SEPTIN9: variants seen among roughly 807,000 people sequenced by gnomAD.
The protein encoded by SEPTIN9 is septin 9, also known as septin-9.
Under a neutral mutation model 56.6 loss-of-function variants are expected in SEPTIN9, and 13 were observed. That is an observed-to-expected ratio of 0.23 (90% confidence interval 0.15 to 0.37). SEPTIN9 has a LOEUF of 0.37. Among genes scored for constraint, SEPTIN9 ranks in the 10% least tolerant of loss-of-function variants. The pLI is 1.00. For synonymous variants in SEPTIN9, 332 were observed against 334.1 expected (o/e 0.99, Z 0.07); for missense variants, 650 against 823.1 (o/e 0.79, Z 2.57).
At chr17:77,379,005 C>T (rs547453338) in intron 2 of SEPTIN9, among the ~76,000 whole-genome samples, 43 of 152,154 alleles carry the variant, frequency 2.8e-4, no homozygotes, top group Non-Finnish European at 4.9e-4. Context: ...CCCTGAAAAG[C>T]GGTTGTGGCA....
intron 3 of SEPTIN9, among the ~76,000 whole-genome samples, chr17:77,467,312 C>T (rs1391345822): frequency 2.0e-5 from 3 of 152,358 alleles, no homozygotes; most frequent in Non-Finnish European, 2.9e-5. Context: ...CTGGTTGGAG[C>T]CAGGCATAGG....
Position 77,449,501 on chromosome 17 carries a change from A to G in SEPTIN9, c.722-32643A>G, listed in dbSNP as rs2037884602. Reference sequence around the variant, plus strand: ...GGGGGGCCAGAAAGCTGGGGGACAGATTGAGGCCAGAGGCAAAGAGAAGAA... The same window carrying G: ...GGGGGGCCAGAAAGCTGGGGGACAGGTTGAGGCCAGAGGCAAAGAGAAGAA... On this transcript the variant is annotated intron_variant, in intron 3 of 11. Coordinates refer to ENST00000427177, the MANE Select transcript of SEPTIN9 (RefSeq NM_001113491.2). This position sits in a 1 kb window ranked among gnomAD's most constrained non-coding sequence, Gnocchi z 4.6. Among the ~76,000 whole-genome samples, 1 of 152,176 alleles carries G rather than the reference A, an allele frequency of 6.6e-6. No homozygotes were observed. The highest frequency in any genetic ancestry group is 6.5e-5 in the Admixed American group (1 of 15,282).
At chr17:77,283,582 T>A (rs1331635546) in intron 1 of SEPTIN9, among the ~76,000 whole-genome samples, 1 of 152,178 alleles carries the variant, frequency 6.6e-6, no homozygotes, top group African/African-American at 2.4e-5. Context: ...CCCCCAAGGC[T>A]CTGACAATCC....
At chr17:77,415,950 G>A (rs2036491940) in intron 3 of SEPTIN9, among the ~76,000 whole-genome samples, 1 of 152,190 alleles carries the variant, frequency 6.6e-6, no homozygotes, top group Non-Finnish European at 1.5e-5. Flanking sequence ...AAATGTAAGG[G>A]GACACCAAAG....
intron 3 of SEPTIN9, among the ~76,000 whole-genome samples, chr17:77,473,618 T>C (rs1261162380): frequency 1.3e-5 from 2 of 152,218 alleles, no homozygotes; most frequent in Non-Finnish European, 2.9e-5. Flanking sequence ...AGTCTTTACT[T>C]TTCACCAGAG....
In SEPTIN9 at chr17:77,445,617, C is replaced by A. The variant is rs912390017; in HGVS notation, c.722-36527C>A. On this transcript the variant is annotated intron_variant, in intron 3 of 11. Coordinates refer to ENST00000427177, the MANE Select transcript of SEPTIN9 (RefSeq NM_001113491.2). The surrounding 1 kb of genome is among the most constrained non-coding windows in gnomAD (Gnocchi z 4.7). The stretch of plus-strand genomic sequence containing the variant: ...TCTGCTGCTGTGTTGCTGTGTGTTT[C>A]AGCAGCACGTGGGTGTCACCACACT... 2 of 365,570 alleles carry A rather than the reference C, an allele frequency of 5.5e-6. No homozygotes were observed. The highest frequency in any genetic ancestry group is 5.7e-6 in the Non-Finnish European group (1 of 176,364). 22.6% of individuals were successfully genotyped at this position (365,570 alleles called of 1,614,324 possible).
rs752933182 is a variant in SEPTIN9 at position 77,383,151 on chromosome 17, TC to T, written c.77-18907del. Among the ~76,000 whole-genome samples, 21 of 148,172 alleles carry T rather than the reference TC, an allele frequency of 1.4e-4. No homozygotes were observed. In the South Asian group the frequency reaches 1.6e-3, roughly 11 times the overall value. On this transcript the variant is annotated intron_variant, in intron 2 of 11. Coordinates refer to ENST00000427177, the MANE Select transcript of SEPTIN9 (RefSeq NM_001113491.2). Reference sequence around the variant, plus strand: ...TACCCTCCCTCTCTCCCTCCCTCTTTCTTTCCCTCCCTCTTTCTCTCCCTCC... The same window carrying T: ...TACCCTCCCTCTCTCCCTCCCTCTTTTTTCCCTCCCTCTTTCTCTCCCTCC...
rs552047194 is a variant in SEPTIN9, at chr17:77,448,774, TTTTTC to T, written c.722-33355_722-33351del. Among the ~76,000 whole-genome samples, 447 of 152,154 alleles carry T rather than the reference TTTTTC, an allele frequency of 2.9e-3. 1 individual carries two copies. Among genetic ancestry groups the T allele is most frequent in the African/African-American group, 7.9e-3 (330 of 41,526 alleles). The stretch of plus-strand genomic sequence containing the variant: ...GTTCTTACATTTTTTAATGATTTCC[TTTTTC>T]TTTTCTTTTCTTTTTTTTTTTAAAT... On this transcript the variant is annotated intron_variant, in intron 3 of 11. Transcript: ENST00000427177.
At chr17:77,293,446 G>A (rs569082801) in intron 1 of SEPTIN9, among the ~76,000 whole-genome samples, 1 of 152,194 alleles carries the variant, frequency 6.6e-6, no homozygotes, top group Non-Finnish European at 1.5e-5. Flanking sequence ...ACAGGCGGGA[G>A]CCACAGTGCC....
intron 1 of SEPTIN9, among the ~76,000 whole-genome samples, chr17:77,300,544 A>G (rs2031992718): frequency 6.6e-6 from 1 of 152,138 alleles, no homozygotes; most frequent in Admixed American, 6.5e-5. Context: ...CTTCCTTTGG[A>G]GATAAGCTTG....
At chr17:77,282,663 G>A (rs1311138784) in intron 1 of SEPTIN9, among the ~76,000 whole-genome samples, 2 of 152,200 alleles carry the variant, frequency 1.3e-5, no homozygotes, top group African/African-American at 4.8e-5. Flanking sequence ...ACCCTTCTGG[G>A]TCAGTAGCTT....
At position 77,493,031 on chromosome 17, in the gene SEPTIN9, G is replaced by A. The variant is rs867388244; in HGVS notation, c.1528G>A (p.Gly510Ser). Residue 510 changes from glycine to serine, a missense_variant, in exon 10 of 12, where the codon GGC becomes AGC. Physicochemically the swap from Gly to Ser is moderately conservative, Grantham distance 56. Around this residue, in one of 2 missense-constraint regions of SEPTIN9, gnomAD observed 333 missense variants for 494.0 expected, o/e 0.67. Transcript: ENST00000427177. The part of the protein sequence containing the change: ...VGSDHEYQVN[G>S]KRILGRKTKW... ...CAGTGACCACGAGTACCAGGTCAACGGCAAGAGGATCCTTGGGAGGAAGAC... is the reference window on the plus strand; with the variant it reads ...CAGTGACCACGAGTACCAGGTCAACAGCAAGAGGATCCTTGGGAGGAAGAC... 4.5e-6 allele frequency: 7 copies of A among 1,569,650 alleles called. No homozygotes were observed. The highest frequency in any genetic ancestry group is 1.2e-5 in the South Asian group (1 of 85,222).
At chr17:77,357,090 ACACT>A (rs1323426127) in intron 2 of SEPTIN9, among the ~76,000 whole-genome samples, 1 of 152,096 alleles carries the variant, frequency 6.6e-6, no homozygotes, top group African/African-American at 2.4e-5. Flanking sequence ...GAAGGGGCTG[ACACT>A]CACTCAGTGT....
intron 10 of SEPTIN9, among the ~76,000 whole-genome samples, chr17:77,494,677 G>A (rs938661993): frequency 2.6e-5 from 4 of 152,194 alleles, no homozygotes; most frequent in East Asian, 3.8e-4. Flanking sequence ...GAAGCTCCCC[G>A]CACCCACCCT....
intron 2 of SEPTIN9, among the ~76,000 whole-genome samples, chr17:77,356,898 G>C (rs985117297): frequency 1.3e-5 from 2 of 149,886 alleles, no homozygotes; most frequent in Non-Finnish European, 3.0e-5. Flanking sequence ...GGTGGGAGAG[G>C]GGAAGGCGCC....
intron 2 of SEPTIN9, among the ~76,000 whole-genome samples, chr17:77,331,684 T>C (rs2033367537): frequency 6.6e-6 from 1 of 152,162 alleles, no homozygotes; most frequent in Non-Finnish European, 1.5e-5. Flanking sequence ...TTCCGCCAAC[T>C]GTGACTGCTC....
intron 3 of SEPTIN9, among the ~76,000 whole-genome samples, chr17:77,457,943 C>T (rs545231188): frequency 1.3e-5 from 2 of 152,328 alleles, no homozygotes; most frequent in East Asian, 1.9e-4. Flanking sequence ...CTCTGGGCCA[C>T]GGCAGCGTCC....
Position 77,371,072 on chromosome 17 carries a change from C to T in SEPTIN9, c.77-30987C>T, listed in dbSNP as rs964703444. Among the ~76,000 whole-genome samples the T allele has an allele frequency of 5.3e-5, 8 of 152,288 alleles. No individual in the cohort carries two copies. Among genetic ancestry groups the T allele is most frequent in the Admixed American group, 1.3e-4 (2 of 15,306 alleles). On this transcript the variant is annotated intron_variant, in intron 2 of 11. Coordinates refer to ENST00000427177, the MANE Select transcript of SEPTIN9 (RefSeq NM_001113491.2). This position sits in a 1 kb window ranked among gnomAD's most constrained non-coding sequence, Gnocchi z 4.1. The stretch of plus-strand genomic sequence containing the variant: ...TACAATTAGAGCAGTTGGTTAGATA[C>T]GAGGGTGAACTTCCTGGCTGGGAGT...
intron 3 of SEPTIN9, among the ~76,000 whole-genome samples, chr17:77,406,665 T>G (rs974400953): frequency 1.4e-5 from 2 of 141,352 alleles, no homozygotes; most frequent in African/African-American, 2.6e-5. Flanking sequence ...TTTTTTTGTG[T>G]TTTTTTTTTG....
Sources: gnomAD v4.1 joint callset for allele counts (sites outside exome capture counted in the v4.1 genomes callset) on GRCh38, gnomAD v4.1.1 for gene constraint, gnomAD v4.1.1 regional missense constraint, Gnocchi (gnomAD v3.1) non-coding constraint, MANE v1.5 for transcripts, NCBI Gene and HGNC (gene_info 2026-07-23, HGNC 2026-07-21) for gene names.